The following THOC7 variants were observed in gnomAD, a reference collection of about 807,000 sequenced individuals.
THOC7 encodes the protein THO complex subunit 7.
In THOC7, 22 loss-of-function variants were observed where a neutral mutation model predicts 33.1. The observed-to-expected ratio is 0.66, with a 90% CI of 0.47 to 0.95. The LOEUF is 0.95. THOC7 is among the 40% of genes least tolerant of loss of function. The pLI is 0.00. For missense variants in THOC7, 184 were observed against 245.3 expected (o/e 0.75, Z 1.67); for synonymous variants, 77 against 76.8 (o/e 1.00, Z -0.01).
At chr3:63,860,212 T>C (rs1702183373) in intron 1 of THOC7, among the ~76,000 whole-genome samples, 1 of 151,558 alleles carries the variant, frequency 6.6e-6, no homozygotes, top group South Asian at 2.1e-4. Flanking sequence ...CTGGCTAATT[T>C]GAAAAATTCT....
intron 1 of THOC7, among the ~76,000 whole-genome samples, chr3:63,850,813 C>G (rs942541296): frequency 1.3e-5 from 2 of 151,918 alleles, no homozygotes; most frequent in Non-Finnish European, 2.9e-5. Flanking sequence ...CTCAAAAACT[C>G]GTGACCTCAG....
intron 4 of THOC7, among the ~76,000 whole-genome samples, chr3:63,837,755 G>T (rs979714834): frequency 1.3e-5 from 2 of 151,850 alleles, no homozygotes; most frequent in Non-Finnish European, 2.9e-5. Flanking sequence ...AAACAGAAAA[G>T]AAATACTTGG....
At chr3:63,858,206 G>A (rs761808393) in intron 1 of THOC7, among the ~76,000 whole-genome samples, 1 of 152,034 alleles carries the variant, frequency 6.6e-6, no homozygotes, top group Non-Finnish European at 1.5e-5. Flanking sequence ...AAATTAAATG[G>A]TCACTCAACT....
At chr3:63,842,583 T>A (rs1395336337) in intron 1 of THOC7, among the ~76,000 whole-genome samples, 1 of 152,104 alleles carries the variant, frequency 6.6e-6, no homozygotes, top group Non-Finnish European at 1.5e-5. Context: ...TTATTCTAAG[T>A]GAAGTAACTC....
chr3:63,846,390 CTAGTA>C (rs1289036667), intron 1 of THOC7, among the ~76,000 whole-genome samples: 1 of 152,028 alleles, frequency 6.6e-6, no homozygotes, highest in Non-Finnish European at 1.5e-5. Flanking sequence ...CAGGGTCTTA[CTAGTA>C]ACTTATTATT....
Position 63,841,524 on chromosome 3 carries a change from G to A in THOC7, c.20-1751C>T, listed in dbSNP as rs73831961. ...GGCAGAAGTATTTTTGAGCGCAGGT[G>A]CAGCGGAGATAAACTTTGGAAGGCA... On this transcript the variant is annotated intron_variant, in intron 1 of 7. Coordinates refer to ENST00000295899, the MANE Select transcript of THOC7 (RefSeq NM_025075.4). Among the ~76,000 whole-genome samples the A allele has an allele frequency of 5.1e-3, 779 of 152,310 alleles. 5 individuals are homozygous for A. Among genetic ancestry groups the A allele is most frequent in the African/African-American group, 0.018 (741 of 41,564 alleles).
At chr3:63,849,789 A>T (rs1701984106) in intron 1 of THOC7, among the ~76,000 whole-genome samples, 1 of 152,066 alleles carries the variant, frequency 6.6e-6, no homozygotes, top group Admixed American at 6.5e-5. Flanking sequence ...TCCTTTTTTC[A>T]CTAGTAGACT....
At chr3:63,863,893 G>C (rs897655781), upstream of THOC7, 37 of 1,139,794 alleles carry the variant, frequency 3.2e-5, no homozygotes, top group Admixed American at 2.0e-4. Flanking sequence ...AACAGCCATG[G>C]AGGAGGAGGC....
At chr3:63,863,853 G>T (rs1702311670), upstream of THOC7, 1 of 1,216,444 alleles carries the variant, frequency 8.2e-7, no homozygotes, top group Non-Finnish European at 1.0e-6. Context: ...GGCGGCGGCG[G>T]AGGTCAAACT....
chr3:63,863,657 G>A, intron 1 of THOC7, 115 bp downstream of exon 1: 1 of 1,221,932 alleles, frequency 8.2e-7, no homozygotes, highest in Non-Finnish European at 1.0e-6. Context: ...AAGCGCTCTG[G>A]CGAAGAGGCC....
chr3:63,855,595 C>T (rs909534707), intron 1 of THOC7, among the ~76,000 whole-genome samples: 2 of 152,138 alleles, frequency 1.3e-5, no homozygotes, highest in Non-Finnish European at 2.9e-5. Context: ...CCCAGACTAA[C>T]GTTTTCAAAA....
intron 1 of THOC7, among the ~76,000 whole-genome samples, chr3:63,860,135 G>C (rs1446188452): frequency 6.6e-6 from 1 of 151,934 alleles, no homozygotes; most frequent in African/African-American, 2.4e-5. Context: ...ACTCCACCTG[G>C]CTAATTTAAG....
Position 63,839,745 on chromosome 3 carries a change from A to G in THOC7, c.48T>C (p.Ile16=), listed in dbSNP as rs756550008. ...GATCATCTCCAGCACCATCTCCATC[A>G]ATGAGGAGACGCTTCCGTATAACTT... ...DDEVIRKRLL[I]DGDGAGDDRR... Residue 16 remains isoleucine (I), a synonymous_variant, in exon 2 of 8, where the codon ATT becomes ATC. Coordinates refer to ENST00000295899, the MANE Select transcript of THOC7 (RefSeq NM_025075.4). 1 of 1,613,200 alleles carries G rather than the reference A, an allele frequency of 6.2e-7. No homozygotes were observed. The highest frequency in any genetic ancestry group is 8.5e-7 in the Non-Finnish European group (1 of 1,179,922).
chr3:63,837,358 T>C (rs1701656936), intron 4 of THOC7, among the ~76,000 whole-genome samples: 2 of 152,040 alleles, frequency 1.3e-5, no homozygotes, highest in Admixed American at 1.3e-4. Flanking sequence ...TTTACTTTTC[T>C]TCAATTTACA....
intron 1 of THOC7, among the ~76,000 whole-genome samples, chr3:63,855,719 T>C (rs832188): frequency 0.8 from 121,633 of 152,238 alleles, 48,726 homozygotes; most frequent in South Asian, 0.87. Context: ...ATGTAACTCC[T>C]TGCTAAGGCT....
intron 1 of THOC7, among the ~76,000 whole-genome samples, chr3:63,849,029 A>G (rs1701967170): frequency 6.6e-6 from 1 of 152,214 alleles, no homozygotes; most frequent in Non-Finnish European, 1.5e-5. Flanking sequence ...ACAGGATACA[A>G]TTGGAAACAG....
chr3:63,850,581 T>C (rs1484267090), intron 1 of THOC7, among the ~76,000 whole-genome samples: 1 of 146,840 alleles, frequency 6.8e-6, no homozygotes, highest in African/African-American at 2.6e-5. Context: ...TCTTTCTTTC[T>C]TTCCTTTTTT....
At chr3:63,844,620 G>A (rs1427789692) in intron 1 of THOC7, among the ~76,000 whole-genome samples, 1 of 152,210 alleles carries the variant, frequency 6.6e-6, no homozygotes, top group Non-Finnish European at 1.5e-5. Context: ...ACAGGCTTAT[G>A]CAGCTATTGT....
At position 63,848,883 on chromosome 3, in the gene THOC7, T is replaced by G. The variant is rs1424995960; in HGVS notation, c.20-9110A>C. Among the ~76,000 whole-genome samples, 5 of 152,368 alleles carry G rather than the reference T, an allele frequency of 3.3e-5. No individual in the cohort carries two copies. The East Asian group carries it at 9.6e-4, about 29-fold the overall frequency. On this transcript the variant is annotated intron_variant, in intron 1 of 7. Transcript: ENST00000295899. ...AGCAATTTGGTAAAGCATACTTTTA[T>G]GAATAAAAACAGAAACATTTGCTTT...
Sources: allele counts gnomAD v4.1 joint callset (sites outside exome capture counted in the v4.1 genomes callset), GRCh38; gene constraint gnomAD v4.1.1; transcripts MANE v1.5; gene names NCBI Gene and HGNC (gene_info 2026-07-23, HGNC 2026-07-21).